The following CAMK4 variants were observed in gnomAD, a reference collection of about 807,000 sequenced individuals.
CAMK4 encodes the protein calcium/calmodulin-dependent protein kinase type IV.
Under a neutral mutation model 44.9 loss-of-function variants are expected in CAMK4, and 22 were observed. The ratio of observed to expected loss-of-function variants is 0.49; its 90% CI spans 0.35 to 0.70. The LOEUF (loss-of-function observed/expected upper bound fraction) is 0.70. CAMK4 is among the 30% of genes least tolerant of loss of function. The pLI, the probability that CAMK4 is intolerant of heterozygous loss-of-function variation, is 0.01. For synonymous variants in CAMK4, 218 were observed against 215.4 expected, an observed-to-expected ratio of 1.01 and a Z score of -0.11; for missense variants, 498 against 586.8, an observed-to-expected ratio of 0.85 and a Z score of 1.56.
chr5:111,393,464 T>TA (rs58614163), intron 4 of CAMK4, among the ~76,000 whole-genome samples: 25 of 152,154 alleles, frequency 1.6e-4, no homozygotes, highest in African/African-American at 5.8e-4. Context: ...CCCCTTTTTT[T>TA]AATTAATAGG....
At chr5:111,439,759 A>G (rs959829879) in intron 5 of CAMK4, among the ~76,000 whole-genome samples, 2 of 152,092 alleles carry the variant, frequency 1.3e-5, no homozygotes, top group African/African-American at 4.8e-5. Flanking sequence ...AACACAGAAA[A>G]AGCAGAGGGT....
chr5:111,397,612 G>T (rs77108454), intron 5 of CAMK4, among the ~76,000 whole-genome samples: 10 of 151,338 alleles, frequency 6.6e-5, no homozygotes, highest in East Asian at 3.9e-4. Flanking sequence ...TAGTATGTTT[G>T]TATGGTTATA....
At chr5:111,446,590 G>A in intron 5 of CAMK4, 96 bp from the exon 6 acceptor site, 1 of 676,622 alleles carries the variant, frequency 1.5e-6, no homozygotes, top group Non-Finnish European at 2.6e-6. Flanking sequence ...GTGTGTTCTT[G>A]AATCACATAA....
Position 111,489,608 on chromosome 5 carries a change from T to C in CAMK4, c.*5142T>C, listed in dbSNP as rs1036400393. ...GGTTCAGAGGTCCACCAGGGCAAAA[T>C]AGAAGCCTTGCCGAGAAAGTGAACT... On this transcript the variant is annotated 3_prime_UTR_variant, in exon 11 of 11. Transcript: ENST00000282356. 6.6e-6 allele frequency: 1 copy of C among 152,190 alleles called. No individual in the cohort carries two copies. The highest frequency in any genetic ancestry group is 1.5e-5 in the Non-Finnish European group (1 of 68,038). The allele number at this position is 152,190 out of a possible 1,614,324, so 9.4% of individuals were successfully genotyped here.
intron 1 of CAMK4, among the ~76,000 whole-genome samples, chr5:111,281,039 A>T (rs146638919): frequency 6.6e-6 from 1 of 152,334 alleles, no homozygotes; most frequent in Non-Finnish European, 1.5e-5. Flanking sequence ...GGTCACGGCA[A>T]TATTTCTGCT....
At chr5:111,273,692 TATATATATATATATATATATATATATAC>T (rs1305042660) in intron 1 of CAMK4, among the ~76,000 whole-genome samples, 1 of 50,404 alleles carries the variant, frequency 2.0e-5, no homozygotes, top group East Asian at 7.8e-4. Flanking sequence ...TATATATATA[TATATATATATATATATATATATATATAC>T]ACACACATAC....
intron 4 of CAMK4, among the ~76,000 whole-genome samples, chr5:111,388,612 C>T (rs145238367): frequency 6.6e-6 from 1 of 152,152 alleles, no homozygotes; most frequent in African/African-American, 2.4e-5. Context: ...TTTCTCAGAG[C>T]TCTCAGGCCA....
intron 1 of CAMK4, among the ~76,000 whole-genome samples, chr5:111,321,804 G>C (rs1344342237): frequency 1.3e-5 from 2 of 152,084 alleles, no homozygotes; most frequent in African/African-American, 4.8e-5. Context: ...TGTTTAAAAA[G>C]CTGCCTGGAA....
chr5:111,244,943 T>C (rs1439435395), intron 1 of CAMK4, among the ~76,000 whole-genome samples: 1 of 152,166 alleles, frequency 6.6e-6, no homozygotes, highest in Non-Finnish European at 1.5e-5. Context: ...TTTCTGACTC[T>C]TTCTAACTCC....
rs182487403 is a variant in CAMK4 at position 111,372,441 on chromosome 5, A to C, written c.241-2409A>C. ...TTTGAGATTAGATAGATGTTGAGAG[A>C]GAGCATCTCTCTTATCTTAGAAATA... On this transcript the variant is annotated intron_variant, in intron 2 of 10. Transcript: ENST00000282356. 3.1e-3 allele frequency among the ~76,000 whole-genome samples: 475 copies of C among 152,294 alleles called. 4 individuals carry two copies. The highest frequency in any genetic ancestry group is 0.011 in the African/African-American group (446 of 41,578).
At chr5:111,224,171 A>C, upstream of CAMK4, 1 of 236,492 alleles carries the variant, frequency 4.2e-6, no homozygotes, top group East Asian at 1.1e-4. The surrounding 1 kb of genome is among the most constrained non-coding windows in gnomAD (Gnocchi z 5.7). Context: ...GGCGGCGGGA[A>C]AGGCTCGGCG....
chr5:111,446,531 A>G (rs1186288043), intron 5 of CAMK4, among the ~76,000 whole-genome samples, 155 bp from the exon 6 acceptor site: 1 of 152,262 alleles, frequency 6.6e-6, no homozygotes, highest in Non-Finnish European at 1.5e-5. Flanking sequence ...TAATGTATAC[A>G]GTTTAAAACA....
chr5:111,400,422 A>G (rs1752180910), intron 5 of CAMK4, among the ~76,000 whole-genome samples: 2 of 152,208 alleles, frequency 1.3e-5, no homozygotes. Flanking sequence ...TACATCTCAC[A>G]TTTCCTCTAG....
chr5:111,391,725 AT>A (rs984852634), intron 4 of CAMK4, among the ~76,000 whole-genome samples: 1 of 152,194 alleles, frequency 6.6e-6, no homozygotes, highest in African/African-American at 2.4e-5. Flanking sequence ...AAAAAGAATA[AT>A]GAAAGCACTC....
Position 111,478,496 on chromosome 5 carries a change from G to A in CAMK4, c.817G>A (p.Ala273Thr). The A allele has an allele frequency of 6.5e-7, 1 of 1,536,588 alleles. No individual in the cohort carries two copies. The highest frequency in any genetic ancestry group is 8.9e-7 in the Non-Finnish European group (1 of 1,119,574). ...SPWWDEVSLN[A>T]KDLVRKLIVL... ...CTGGTGGGATGAAGTATCTCTAAAT[G>A]CCAAGGACTTGGTAAGTGTAACCAA... The change falls in exon 9 of 11, where the codon GCC becomes ACC. Residue 273 changes from alanine (A) to threonine (T), a missense_variant. Ala to Thr is a moderately conservative substitution (Grantham distance 58, BLOSUM62 0). Around this residue, in one of 3 missense-constraint regions of CAMK4, gnomAD observed 203 missense variants for 298.2 expected, o/e 0.68. Transcript: ENST00000282356.
At chr5:111,413,908 TA>T (rs1340616678) in intron 5 of CAMK4, among the ~76,000 whole-genome samples, 1 of 151,900 alleles carries the variant, frequency 6.6e-6, no homozygotes, top group Non-Finnish European at 1.5e-5. Flanking sequence ...AATAAATGTA[TA>T]AAAAGTGTCA....
intron 8 of CAMK4, among the ~76,000 whole-genome samples, chr5:111,477,995 GT>G (rs1755306376): frequency 6.6e-6 from 1 of 151,896 alleles, no homozygotes; most frequent in Non-Finnish European, 1.5e-5. Flanking sequence ...CTGTCTGCCT[GT>G]CTGTCTGTCT....
intron 5 of CAMK4, among the ~76,000 whole-genome samples, chr5:111,442,479 A>G (rs1387494612): frequency 6.6e-6 from 1 of 151,316 alleles, no homozygotes; most frequent in Non-Finnish European, 1.5e-5. Flanking sequence ...CCTGGGCGAC[A>G]GACTGCGTCT....
chr5:111,376,762 T>G, intron 3 of CAMK4, 98 bp from the exon 4 acceptor site: 1 of 619,152 alleles, frequency 1.6e-6, no homozygotes, highest in Non-Finnish European at 2.8e-6. Context: ...TCCAACATAT[T>G]ACTACTGCAG....
Sources: allele counts gnomAD v4.1 joint callset (sites outside exome capture counted in the v4.1 genomes callset), GRCh38; gene constraint gnomAD v4.1.1; regional missense constraint gnomAD v4.1.1; non-coding constraint Gnocchi (gnomAD v3.1); transcripts MANE v1.5; gene names NCBI Gene and HGNC (gene_info 2026-07-23, HGNC 2026-07-21).